Variants in FHIT observed in about 807,000 individuals in gnomAD.
The protein encoded by FHIT is bis(5'-adenosyl)-triphosphatase.
FHIT carries 19 observed loss-of-function variants against 17.9 expected under a neutral mutation model. The ratio of observed to expected loss-of-function variants is 1.06; its 90% CI spans 0.74 to 1.56. FHIT has a LOEUF of 1.56. Ranked by LOEUF, FHIT falls within the 40% of genes most tolerant of loss-of-function variation. The pLI is 0.00. For missense variants in FHIT, 248 were observed against 189.2 expected, an observed-to-expected ratio of 1.31 and a Z score of -1.82; for synonymous variants, 81 against 69.7, an observed-to-expected ratio of 1.16 and a Z score of -0.81.
At chr3:60,274,636 A>G (rs1707034322) in intron 5 of FHIT, among the ~76,000 whole-genome samples, 1 of 152,216 alleles carries the variant, frequency 6.6e-6, no homozygotes, top group South Asian at 2.1e-4. Flanking sequence ...TCCAAATTCA[A>G]GGTGGTAGCA....
chr3:61,220,576 C>A (rs1382187269), intron 1 of FHIT, among the ~76,000 whole-genome samples: 1 of 152,124 alleles, frequency 6.6e-6, no homozygotes, highest in Non-Finnish European at 1.5e-5. Flanking sequence ...GGGAGCTAAT[C>A]AATATTGTTA....
At chr3:60,375,820 A>T (rs936576584) in intron 5 of FHIT, among the ~76,000 whole-genome samples, 1 of 152,094 alleles carries the variant, frequency 6.6e-6, no homozygotes, top group Non-Finnish European at 1.5e-5. Flanking sequence ...CAGATCCTAT[A>T]GATGCAATGC....
intron 5 of FHIT, among the ~76,000 whole-genome samples, chr3:60,084,824 TG>T (rs1484934042): frequency 6.6e-6 from 1 of 152,166 alleles, no homozygotes; most frequent in Non-Finnish European, 1.5e-5. Flanking sequence ...AAGTCTTCCT[TG>T]GCTTTCTACA....
chr3:60,103,406 G>A (rs890522767), intron 5 of FHIT, among the ~76,000 whole-genome samples: 1 of 152,106 alleles, frequency 6.6e-6, no homozygotes, highest in Non-Finnish European at 1.5e-5. Flanking sequence ...TCAAAGAAGT[G>A]ACCAAAGCAA....
At chr3:60,663,893 T>C (rs2040321123) in intron 4 of FHIT, among the ~76,000 whole-genome samples, 1 of 152,236 alleles carries the variant, frequency 6.6e-6, no homozygotes. Context: ...CTAGGATTTT[T>C]GTTGTTGTAG....
intron 1 of FHIT, among the ~76,000 whole-genome samples, chr3:61,214,047 G>A (rs1183695024): frequency 1.3e-5 from 2 of 152,058 alleles, no homozygotes; most frequent in Non-Finnish European, 2.9e-5. Context: ...GCCCACAAAA[G>A]AAAGCAGGAA....
intron 7 of FHIT, among the ~76,000 whole-genome samples, chr3:59,974,105 A>G (rs772817125): frequency 2.0e-5 from 3 of 152,150 alleles, no homozygotes; most frequent in Non-Finnish European, 4.4e-5. Flanking sequence ...CTATAGCCTT[A>G]GCAATCTATA....
In FHIT at chr3:60,061,956, AAGAC is replaced by A. The variant is rs574687550; in HGVS notation, c.104-47808_104-47805del. Among the ~76,000 whole-genome samples, 443 of 152,250 alleles carry A rather than the reference AAGAC, an allele frequency of 2.9e-3. 1 individual carries two copies. Among genetic ancestry groups the A allele is most frequent in the African/African-American group, 1.0e-2 (414 of 41,566 alleles). On this transcript the variant is annotated intron_variant, in intron 5 of 9. Coordinates refer to ENST00000492590, the MANE Select transcript of FHIT (RefSeq NM_002012.4). Reference sequence around the variant, plus strand: ...ACATGGAAAAGAGCAAGAAATGAGAAAGACTGACTTACTGCTAGAAGGGGAAAAA... The same window carrying A: ...ACATGGAAAAGAGCAAGAAATGAGAATGACTTACTGCTAGAAGGGGAAAAA...
chr3:60,221,904 GT>G (rs141295760), intron 5 of FHIT, among the ~76,000 whole-genome samples: 1 of 151,782 alleles, frequency 6.6e-6, no homozygotes, highest in African/African-American at 2.4e-5. Flanking sequence ...GAAATTAGTT[GT>G]TTTTTCAGCA....
chr3:61,037,157 CGTCTCG>C (rs1235273704), intron 3 of FHIT, among the ~76,000 whole-genome samples: 3 of 152,068 alleles, frequency 2.0e-5, no homozygotes, highest in African/African-American at 7.2e-5. Flanking sequence ...GTGATCCATC[CGTCTCG>C]GTCTCCCAAA....
At chr3:61,212,354 T>C (rs1317891658) in intron 1 of FHIT, among the ~76,000 whole-genome samples, 1 of 152,118 alleles carries the variant, frequency 6.6e-6, no homozygotes, top group Non-Finnish European at 1.5e-5. Context: ...ACGTGAAGAA[T>C]GCAGAAGCCT....
intron 5 of FHIT, among the ~76,000 whole-genome samples, chr3:60,086,659 C>T (rs1366086207): frequency 6.6e-6 from 1 of 152,204 alleles, no homozygotes; most frequent in African/African-American, 2.4e-5. Context: ...TGAAACTTAG[C>T]CGGGCAGACA....
chr3:59,879,647 T>A (rs920872392), intron 8 of FHIT, among the ~76,000 whole-genome samples: 1 of 152,152 alleles, frequency 6.6e-6, no homozygotes, highest in Admixed American at 6.5e-5. Flanking sequence ...TGACCTAACA[T>A]TACGTAGGGT....
intron 5 of FHIT, among the ~76,000 whole-genome samples, chr3:60,410,215 G>T (rs1432954991): frequency 1.3e-5 from 2 of 152,144 alleles, no homozygotes; most frequent in African/African-American, 4.8e-5. Flanking sequence ...GCTAGGTGAG[G>T]TATTAACCAC....
At chr3:61,104,327 G>A (rs1486868397) in intron 2 of FHIT, among the ~76,000 whole-genome samples, 1 of 152,090 alleles carries the variant, frequency 6.6e-6, no homozygotes, top group Non-Finnish European at 1.5e-5. Flanking sequence ...CGTTTATGAA[G>A]CTTAGTTTGG....
chr3:60,282,175 T>G (rs1314826026), intron 5 of FHIT, among the ~76,000 whole-genome samples: 1 of 152,190 alleles, frequency 6.6e-6, no homozygotes, highest in Non-Finnish European at 1.5e-5. Context: ...CTCAACTGAG[T>G]TGAAAACTAA....
chr3:60,722,589 A>G (rs1203231020), intron 4 of FHIT, among the ~76,000 whole-genome samples: 1 of 151,656 alleles, frequency 6.6e-6, no homozygotes, highest in Non-Finnish European at 1.5e-5. Flanking sequence ...CCTAGTCTCC[A>G]CCTTGTAGAT....
chr3:61,155,052 C>T (rs1335961486), intron 2 of FHIT, among the ~76,000 whole-genome samples: 1 of 152,230 alleles, frequency 6.6e-6, no homozygotes, highest in African/African-American at 2.4e-5. Context: ...AAGGTTCTGC[C>T]TCATTGAATA....
At chr3:60,824,163 T>C (rs1702034224) in intron 3 of FHIT, among the ~76,000 whole-genome samples, 1 of 152,188 alleles carries the variant, frequency 6.6e-6, no homozygotes, top group Non-Finnish European at 1.5e-5. Context: ...TCGGTAAGAA[T>C]AAACTGAAGA....
Sources: allele counts gnomAD v4.1 joint callset (sites outside exome capture counted in the v4.1 genomes callset), GRCh38; gene constraint gnomAD v4.1.1; transcripts MANE v1.5; gene names NCBI Gene and HGNC (gene_info 2026-07-23, HGNC 2026-07-21).